The following TMEM108 variants were observed in gnomAD, a reference collection of about 807,000 sequenced individuals.
The protein encoded by TMEM108 is cancer/testis antigen 124.
TMEM108 carries 12 observed loss-of-function variants against 35.1 expected under a neutral mutation model. The ratio of observed to expected loss-of-function variants is 0.34; its 90% CI spans 0.22 to 0.55. The LOEUF (loss-of-function observed/expected upper bound fraction) is 0.55. Among genes scored for constraint, TMEM108 ranks in the 20% least tolerant of loss-of-function variants. The pLI is 0.89. For missense variants in TMEM108, 680 were observed against 753.3 expected (o/e 0.90, Z 1.14); for synonymous variants, 287 against 308.6 (o/e 0.93, Z 0.73).
At chr3:133,198,211 AC>A (rs1292791172) in intron 2 of TMEM108, among the ~76,000 whole-genome samples, 1 of 152,214 alleles carries the variant, frequency 6.6e-6, no homozygotes, top group African/African-American at 2.4e-5. Flanking sequence ...AGTTAAACCC[AC>A]TGGCGAGAGA....
intron 2 of TMEM108, among the ~76,000 whole-genome samples, chr3:133,125,616 C>T (rs1944405385): frequency 6.6e-6 from 1 of 152,146 alleles, no homozygotes; most frequent in African/African-American, 2.4e-5. Context: ...GCTTAATTAT[C>T]AGTCAGTCAA....
At chr3:133,064,708 CCT>C (rs1015618425) in intron 2 of TMEM108, among the ~76,000 whole-genome samples, 1 of 149,244 alleles carries the variant, frequency 6.7e-6, no homozygotes, top group African/African-American at 2.5e-5. Context: ...GAGAAATAAA[CCT>C]TTTTTTTTTT....
intron 3 of TMEM108, among the ~76,000 whole-genome samples, chr3:133,308,983 T>C (rs1008509998): frequency 6.6e-6 from 1 of 152,194 alleles, no homozygotes; most frequent in East Asian, 1.9e-4. Flanking sequence ...TCTGAATCCA[T>C]CTGGTCCTGG....
intron 3 of TMEM108, among the ~76,000 whole-genome samples, chr3:133,368,867 C>A (rs1027090762): frequency 6.6e-6 from 1 of 152,118 alleles, no homozygotes; most frequent in Non-Finnish European, 1.5e-5. Context: ...CAGATGGCTC[C>A]GTTCAAGAAC....
rs558137998 is a variant in TMEM108, at chr3:133,393,882, G to A, written c.1606-1982G>A. On this transcript the variant is annotated intron_variant, in intron 5 of 5. Coordinates refer to ENST00000321871, the MANE Select transcript of TMEM108 (RefSeq NM_023943.4). Reference sequence around the variant, plus strand: ...TTTGGCACAGAGCACGAGGGCTGCCGTCCAACACAATCCAGAGGCTCTGGT... The same window carrying A: ...TTTGGCACAGAGCACGAGGGCTGCCATCCAACACAATCCAGAGGCTCTGGT... 1.3e-4 allele frequency among the ~76,000 whole-genome samples: 20 copies of A among 152,294 alleles called. No homozygotes were observed. The South Asian group carries it at 1.9e-3, about 14-fold the overall frequency.
At chr3:133,222,354 T>C (rs985936252) in intron 2 of TMEM108, among the ~76,000 whole-genome samples, 1 of 152,170 alleles carries the variant, frequency 6.6e-6, no homozygotes, top group African/African-American at 2.4e-5. Context: ...AGTTCAATTA[T>C]AATATATCAT....
chr3:133,242,734 CT>C (rs1368372194), intron 3 of TMEM108, among the ~76,000 whole-genome samples: 2 of 152,180 alleles, frequency 1.3e-5, no homozygotes, highest in African/African-American at 4.8e-5. Flanking sequence ...TGAGAATCCC[CT>C]GTCCTGTGAT....
intron 2 of TMEM108, among the ~76,000 whole-genome samples, chr3:133,165,720 C>T (rs887331635): frequency 1.3e-5 from 2 of 152,276 alleles, no homozygotes; most frequent in African/African-American, 2.4e-5. Context: ...GGAGGAGGTG[C>T]GTTTGGGATA....
rs115293967 is a variant in TMEM108 at position 133,168,901 on chromosome 3, G to A, written c.-46-60365G>A. ...GGGAGGAAGGAACAACTCTGGATGC[G>A]CCGCCTTTATGAGCTGTAACACTCA... On this transcript the variant is annotated intron_variant, in intron 2 of 5. Transcript: ENST00000321871. Among the ~76,000 whole-genome samples, 929 of 152,038 alleles carry A rather than the reference G, an allele frequency of 6.1e-3. 9 individuals are homozygous for A. Among genetic ancestry groups the A allele is most frequent in the African/African-American group, 0.021 (872 of 41,478 alleles).
At chr3:133,119,339 T>A (rs775725446) in intron 2 of TMEM108, 1 of 152,218 alleles carries the variant, frequency 6.6e-6, no homozygotes, top group South Asian at 2.1e-4. Flanking sequence ...CTGCTTTGTA[T>A]GCAAAGACAG....
chr3:133,103,087 T>C (rs1386632185), intron 2 of TMEM108, among the ~76,000 whole-genome samples: 1 of 152,164 alleles, frequency 6.6e-6, no homozygotes, highest in African/African-American at 2.4e-5. Flanking sequence ...TTATTAGGTA[T>C]ATACCCAAAG....
intron 2 of TMEM108, among the ~76,000 whole-genome samples, chr3:133,189,761 A>ACACATGAAGGACTTATTAAAGGCGGC (rs1559862496): frequency 1.3e-5 from 2 of 152,336 alleles, no homozygotes; most frequent in Non-Finnish European, 2.9e-5. Flanking sequence ...AACCATTTAG[A>ACACATGAAGGACTTATTAAAGGCGGC]CACATGAAGG....
chr3:133,044,961 C>CTTTTTTTTTTTTTTTTTTTTT (rs11444221), intron 1 of TMEM108, among the ~76,000 whole-genome samples: 3 of 142,828 alleles, frequency 2.1e-5, no homozygotes, highest in Non-Finnish European at 3.0e-5. Flanking sequence ...TGAAGTGCTG[C>CTTTTTTTTTTTTTTTTTTTTT]TTTTTTTTTT....
intron 3 of TMEM108, among the ~76,000 whole-genome samples, chr3:133,362,643 A>G (rs946420116): frequency 6.6e-6 from 1 of 152,256 alleles, no homozygotes; most frequent in East Asian, 1.9e-4. Context: ...TTTTCCTAAT[A>G]GGAAAGGAGC....
intron 3 of TMEM108, among the ~76,000 whole-genome samples, chr3:133,367,215 A>G (rs940732219): frequency 6.6e-6 from 1 of 152,220 alleles, no homozygotes; most frequent in Non-Finnish European, 1.5e-5. Context: ...TTCTTAGACC[A>G]TAGTGTCATT....
rs576814121 is a variant in TMEM108 at position 133,340,411 on chromosome 3, A to G, written c.41-39341A>G. ...AAGAAATCCAAAACTTGAACGGACT[A>G]ATAACAAATAACAAGAGCAAACCTT... On this transcript the variant is annotated intron_variant, in intron 3 of 5. Transcript: ENST00000321871. Among the ~76,000 whole-genome samples, 15 of 151,970 alleles carry G rather than the reference A, an allele frequency of 9.9e-5. 1 individual carries two copies. Among genetic ancestry groups the G allele is most frequent in the African/African-American group, 3.1e-4 (13 of 41,558 alleles).
intron 3 of TMEM108, among the ~76,000 whole-genome samples, chr3:133,293,161 A>G (rs1179194753): frequency 6.6e-6 from 1 of 152,106 alleles, no homozygotes; most frequent in African/African-American, 2.4e-5. Context: ...GTTAATTCTC[A>G]TTGATAGAGT....
chr3:133,107,842 A>G lies in TMEM108; in HGVS notation c.-47+61822A>G, dbSNP rs529359737. On this transcript the variant is annotated intron_variant, in intron 2 of 5. Transcript: ENST00000321871. ...TAATGAATACTTTCCTTTTAAGTAG[A>G]TTTCCTAAATCCAAGTTTTGAGGAG... Among the ~76,000 whole-genome samples, 4 of 152,296 alleles carry G rather than the reference A, an allele frequency of 2.6e-5. No homozygotes were observed. The East Asian group carries it at 7.7e-4, about 29-fold the overall frequency.
At chr3:133,047,707 G>A (rs1943357087) in intron 2 of TMEM108, among the ~76,000 whole-genome samples, 2 of 151,812 alleles carry the variant, frequency 1.3e-5, no homozygotes, top group African/African-American at 4.8e-5. Flanking sequence ...CACTGCTGAA[G>A]GGATATAGTG....
Sources: gnomAD v4.1 joint callset for allele counts (sites outside exome capture counted in the v4.1 genomes callset) on GRCh38, gnomAD v4.1.1 for gene constraint, MANE v1.5 for transcripts, NCBI Gene and HGNC (gene_info 2026-07-23, HGNC 2026-07-21) for gene names.